EFCAB5: variants seen among roughly 807,000 people sequenced by gnomAD.
EFCAB5 encodes EF-hand calcium binding domain 5, also known as EF-hand calcium-binding domain-containing protein 5.
EFCAB5 carries 131 observed loss-of-function variants against 167.9 expected under a neutral mutation model. That is an observed-to-expected ratio of 0.78 (90% CI 0.68 to 0.90). The LOEUF (loss-of-function observed/expected upper bound fraction) is 0.90, where lower values mean the gene tolerates loss of function less well. Ranked by LOEUF, EFCAB5 falls within the 40% of genes least tolerant of loss-of-function variation. The pLI, the probability that EFCAB5 is intolerant of heterozygous loss-of-function variation, is 0.00. For synonymous variants in EFCAB5, 574 were observed against 602.8 expected, an observed-to-expected ratio of 0.95 and a Z score of 0.70; for missense variants, 1,663 against 1,745.2, an observed-to-expected ratio of 0.95 and a Z score of 0.84.
intron 4 of EFCAB5, among the ~76,000 whole-genome samples, chr17:29,983,223 T>A (rs999131520): frequency 6.6e-6 from 1 of 152,180 alleles, no homozygotes. Context: ...ATCACTTTTG[T>A]AGTGGTTGGC....
chr17:30,080,261 A>AT lies in EFCAB5; in HGVS notation c.3197+22dup. 1 of 1,538,754 alleles carries AT rather than the reference A, an allele frequency of 6.5e-7. No homozygotes were observed. Among genetic ancestry groups the AT allele is most frequent in the South Asian group, 1.3e-5 (1 of 77,728 alleles). On this transcript the variant is annotated intron_variant, in intron 16 of 22. Coordinates refer to ENST00000394835, the MANE Select transcript of EFCAB5 (RefSeq NM_198529.4). Reference sequence around the variant, plus strand: ...AATCAGGTAAGAACTTCTTGAAGAGATTGGTTTCACCCTCCTAAAAAAATA... The same window carrying AT: ...AATCAGGTAAGAACTTCTTGAAGAGATTTGGTTTCACCCTCCTAAAAAAATA...
chr17:29,996,231 C>T, intron 5 of EFCAB5, 81 bp from the exon 6 acceptor site: 1 of 1,180,624 alleles, frequency 8.5e-7, no homozygotes, highest in African/African-American at 1.6e-5. Flanking sequence ...CTATAGATGG[C>T]TTTTAGTCTA....
At chr17:29,951,896 C>T (rs959439980) in intron 3 of EFCAB5, among the ~76,000 whole-genome samples, 14 of 152,114 alleles carry the variant, frequency 9.2e-5, no homozygotes, top group African/African-American at 3.1e-4. Context: ...TAAATTGGAA[C>T]CAATCACTCT....
At chr17:30,068,876 CTG>C (rs1207531459) in intron 14 of EFCAB5, 5 of 1,503,744 alleles carry the variant, frequency 3.3e-6, no homozygotes, top group Non-Finnish European at 4.6e-6. Flanking sequence ...CATACCATGT[CTG>C]AATATGGGAG....
At chr17:30,041,203 A>AAGG (rs1567733725) in intron 8 of EFCAB5, among the ~76,000 whole-genome samples, 22 of 64,336 alleles carry the variant, frequency 3.4e-4, no homozygotes, top group African/African-American at 2.2e-3. Flanking sequence ...AGGAAGGAAG[A>AAGG]AAGGAAAGAA....
chr17:30,096,677 ATTTTT>A (rs71278522), intron 22 of EFCAB5, among the ~76,000 whole-genome samples: 1,033 of 60,086 alleles, frequency 0.017, 8 homozygotes, highest in Middle Eastern at 0.037. Context: ...ATATATATAT[ATTTTT>A]TTTTTTTTTT....
At chr17:30,107,792 A>G (rs777743585) in intron 22 of EFCAB5, 42 bp from the exon 23 acceptor site, 1 of 1,426,444 alleles carries the variant, frequency 7.0e-7, no homozygotes, top group East Asian at 2.8e-5. Context: ...AGTAAAGTGC[A>G]AAACTCTCCA....
intron 8 of EFCAB5, among the ~76,000 whole-genome samples, chr17:30,040,716 TG>T (rs1051640227): frequency 1.3e-5 from 2 of 152,174 alleles, no homozygotes; most frequent in African/African-American, 4.8e-5. Context: ...AAGCTTATCT[TG>T]GTTTAAAAAT....
intron 7 of EFCAB5, among the ~76,000 whole-genome samples, chr17:30,025,740 T>C (rs547340202): frequency 6.6e-6 from 1 of 152,294 alleles, no homozygotes; most frequent in South Asian, 2.1e-4. Context: ...TGTGGCACTA[T>C]TCACAATACC....
Position 29,973,729 on chromosome 17 carries a change from G to A in EFCAB5, c.767+4362G>A, listed in dbSNP as rs552558705. On this transcript the variant is annotated intron_variant, in intron 4 of 22. Coordinates refer to ENST00000394835, the MANE Select transcript of EFCAB5 (RefSeq NM_198529.4). ...CTGACCTCGTGATCCACCCGCCTCG[G>A]CCTCCCAAAGTGCTGGGATTACAGG... is the stretch of plus-strand genomic sequence containing the variant. Among the ~76,000 whole-genome samples the A allele has an allele frequency of 1.5e-3, 229 of 151,720 alleles. 10 individuals carry two copies. In the South Asian group the frequency reaches 0.045, roughly 30 times the overall value.
At chr17:29,950,276 T>TTTCCTTCC (rs144070532) in intron 3 of EFCAB5, among the ~76,000 whole-genome samples, 1 of 151,728 alleles carries the variant, frequency 6.6e-6, no homozygotes, top group Non-Finnish European at 1.5e-5. Context: ...CCTTTCTTCC[T>TTTCCTTCC]TTCCTTCCTT....
At chr17:30,006,780 G>A (rs1277726196) in intron 7 of EFCAB5, among the ~76,000 whole-genome samples, 1 of 151,892 alleles carries the variant, frequency 6.6e-6, no homozygotes, top group Non-Finnish European at 1.5e-5. Flanking sequence ...CTCCCAAGTA[G>A]GGGGGATGCC....
chr17:29,942,293 G>C lies in EFCAB5; in HGVS notation c.96G>C (p.Glu32Asp), dbSNP rs757566302. ...ERKWNLTEVK[E>D]LHETLQSVPD... is the part of the protein sequence containing the mutation. Reference sequence around the variant, plus strand: ...AATGGAACTTAACTGAAGTGAAAGAGCTTCATGAGGTAGAGTTGGCATGAA... The same window carrying C: ...AATGGAACTTAACTGAAGTGAAAGACCTTCATGAGGTAGAGTTGGCATGAA... The change falls in exon 2 of 23, where the codon GAG becomes GAC. Residue 32 changes from glutamate to aspartate, a missense_variant. By Grantham distance (45) the Glu-to-Asp change is conservative. Transcript: ENST00000394835. The C allele has an allele frequency of 1.9e-6, 3 of 1,588,364 alleles. No homozygotes were observed. Among genetic ancestry groups the C allele is most frequent in the South Asian group, 2.3e-5 (2 of 86,370 alleles).
chr17:30,020,169 A>C (rs2069140883), intron 7 of EFCAB5, among the ~76,000 whole-genome samples: 1 of 152,080 alleles, frequency 6.6e-6, no homozygotes, highest in Non-Finnish European at 1.5e-5. Context: ...TAATCTACTC[A>C]TTGTTAATGA....
At chr17:29,964,298 C>T (rs1191097255) in intron 3 of EFCAB5, among the ~76,000 whole-genome samples, 1 of 151,920 alleles carries the variant, frequency 6.6e-6, no homozygotes, top group East Asian at 1.9e-4. Context: ...CTCTTATAAT[C>T]GTTTTTGTTT....
In EFCAB5 at chr17:30,082,887, A is replaced by G. The variant is rs1245047754; in HGVS notation, c.3427-4A>G. On this transcript the variant is annotated splice_region_variant and splice_polypyrimidine_tract_variant and intron_variant, in intron 17 of 22. Transcript: ENST00000394835. Reference sequence around the variant, plus strand: ...TAGGCTATTTGAATTTTCTGTCTCTACAGGGTGTTGCTAATGTCTTTAGCA... The same window carrying G: ...TAGGCTATTTGAATTTTCTGTCTCTGCAGGGTGTTGCTAATGTCTTTAGCA... The G allele has an allele frequency of 5.0e-6, 8 of 1,611,424 alleles. No individual in the cohort carries two copies. In the Admixed American group the frequency reaches 1.2e-4, roughly 24 times the overall value.
rs780584392 is a variant in EFCAB5 at position 30,034,367 on chromosome 17, A to G, written c.1182A>G (p.Leu394=). 2.5e-6 allele frequency: 4 copies of G among 1,605,112 alleles called. No individual in the cohort carries two copies. The highest frequency in any genetic ancestry group is 2.2e-5 in the South Asian group (2 of 90,168). Residue 394 remains leucine, a synonymous_variant, in exon 8 of 23, where the codon CTA becomes CTG. Coordinates refer to ENST00000394835, the MANE Select transcript of EFCAB5 (RefSeq NM_198529.4). ...GGCAGATGTTCGCTGAACTCTTCCT[A>G]CATTGTGACCACGGGAAGGTGGGTT... is the stretch of plus-strand genomic sequence containing the variant. ...MRRQMFAELF[L]HCDHGKVGFL... is the part of the protein sequence containing the mutation.
At chr17:30,103,580 A>G (rs536047023) in intron 22 of EFCAB5, among the ~76,000 whole-genome samples, 6 of 152,302 alleles carry the variant, frequency 3.9e-5, no homozygotes, top group African/African-American at 1.4e-4. Flanking sequence ...CTCCCCGTGT[A>G]ACATTGATAT....
intron 4 of EFCAB5, among the ~76,000 whole-genome samples, chr17:29,974,064 G>A (rs559129711): frequency 6.6e-6 from 1 of 151,192 alleles, no homozygotes; most frequent in Admixed American, 6.6e-5. Context: ...GGCTGAGGCA[G>A]GAGAATTGCT....
Sources: gnomAD v4.1 joint callset for allele counts (sites outside exome capture counted in the v4.1 genomes callset) on GRCh38, gnomAD v4.1.1 for gene constraint, MANE v1.5 for transcripts, NCBI Gene and HGNC (gene_info 2026-07-23, HGNC 2026-07-21) for gene names.